PLEKHG1: variants seen among roughly 807,000 people sequenced by gnomAD.
The protein encoded by PLEKHG1 is pleckstrin homology and RhoGEF domain containing G1, also known as pleckstrin homology domain-containing family G member 1.
In PLEKHG1, 44 loss-of-function variants were observed where a neutral mutation model predicts 100.8. The observed-to-expected ratio is 0.44, with a 90% CI of 0.34 to 0.56. The LOEUF (loss-of-function observed/expected upper bound fraction) is 0.56. PLEKHG1 is among the 20% of genes least tolerant of loss of function. The probability of loss-of-function intolerance (pLI) is 0.01; values close to 1 mark genes in which losing one functional copy is unlikely to be tolerated. For synonymous variants in PLEKHG1, 640 were observed against 662.5 expected, an observed-to-expected ratio of 0.97 and a Z score of 0.52; for missense variants, 1,545 against 1,720.9, an observed-to-expected ratio of 0.90 and a Z score of 1.81.
intron 1 of PLEKHG1, among the ~76,000 whole-genome samples, chr6:150,609,032 CTG>C (rs1776717992): frequency 6.6e-6 from 1 of 152,036 alleles, no homozygotes; most frequent in Non-Finnish European, 1.5e-5. Context: ...ATGAAAATAA[CTG>C]GGGAAAACAG....
chr6:150,838,901 T>TC (rs1222111434), intron 15 of PLEKHG1, among the ~76,000 whole-genome samples: 1 of 152,126 alleles, frequency 6.6e-6, no homozygotes, highest in African/African-American at 2.4e-5. Flanking sequence ...TGTGAGTTAG[T>TC]CAATACATGT....
At chr6:150,754,909 A>C (rs6939400) in intron 2 of PLEKHG1, among the ~76,000 whole-genome samples, 1,854 of 152,166 alleles carry the variant, frequency 0.012, 36 homozygotes, top group African/African-American at 0.043. Context: ...ACCTCAGGTG[A>C]TCCACCTGCC....
At chr6:150,649,880 C>T (rs1257352360) in intron 2 of PLEKHG1, among the ~76,000 whole-genome samples, 1 of 152,160 alleles carries the variant, frequency 6.6e-6, no homozygotes, top group African/African-American at 2.4e-5. Context: ...GGCGTGGCGG[C>T]GTGTGCCTGT....
At chr6:150,796,585 C>T (rs1279030957) in intron 5 of PLEKHG1, among the ~76,000 whole-genome samples, 1 of 152,190 alleles carries the variant, frequency 6.6e-6, no homozygotes, top group East Asian at 1.9e-4. Flanking sequence ...TTACTAATTC[C>T]TAAGCCCTGT....
At chr6:150,679,016 GA>G (rs1287477954) in intron 3 of PLEKHG1, among the ~76,000 whole-genome samples, 3 of 152,036 alleles carry the variant, frequency 2.0e-5, no homozygotes, top group African/African-American at 7.2e-5. Context: ...ATAAATCTCT[GA>G]AAAAACAATA....
At chr6:150,662,438 C>T (rs1244529909) in intron 3 of PLEKHG1, 1 of 152,112 alleles carries the variant, frequency 6.6e-6, no homozygotes, top group Non-Finnish European at 1.5e-5. Context: ...TTTGTAGAGA[C>T]AGAGTCTCAC....
At chr6:150,656,779 G>A (rs1778985907) in intron 3 of PLEKHG1, among the ~76,000 whole-genome samples, 1 of 152,162 alleles carries the variant, frequency 6.6e-6, no homozygotes, top group African/African-American at 2.4e-5. Flanking sequence ...ACAGAAATGG[G>A]TTACAGGAAG....
intron 3 of PLEKHG1, among the ~76,000 whole-genome samples, chr6:150,779,802 T>G (rs971845505): frequency 5.3e-5 from 8 of 151,504 alleles, no homozygotes; most frequent in Non-Finnish European, 1.2e-4. Flanking sequence ...CTGTCTCTAC[T>G]AAAAATACAA....
At chr6:150,736,866 A>C (rs192242812) in intron 2 of PLEKHG1, among the ~76,000 whole-genome samples, 6 of 152,218 alleles carry the variant, frequency 3.9e-5, no homozygotes, top group Non-Finnish European at 7.4e-5. Flanking sequence ...TTTTACCATT[A>C]TTGTTTTGGT....
chr6:150,719,610 A>C (rs1311082749), upstream of PLEKHG1, among the ~76,000 whole-genome samples: 4 of 152,144 alleles, frequency 2.6e-5, no homozygotes, highest in African/African-American at 9.7e-5. Flanking sequence ...TGTGGGTTGG[A>C]GTGGTTGTAG....
intron 14 of PLEKHG1, among the ~76,000 whole-genome samples, chr6:150,825,905 A>G (rs1012222188): frequency 3.3e-5 from 5 of 152,148 alleles, no homozygotes; most frequent in Admixed American, 6.5e-5. Context: ...TCGGCCTGGC[A>G]TGGTGGCTCA....
intron 1 of PLEKHG1, among the ~76,000 whole-genome samples, chr6:150,608,323 A>T (rs1346150947): frequency 1.3e-5 from 2 of 152,234 alleles, no homozygotes; most frequent in Non-Finnish European, 2.9e-5. Context: ...TTTGAAATCC[A>T]GAAAGCCCCT....
At chr6:150,637,951 C>G (rs1405356485) in intron 1 of PLEKHG1, 1 of 152,134 alleles carries the variant, frequency 6.6e-6, no homozygotes, top group African/African-American at 2.4e-5. Context: ...ATTTCCTTGG[C>G]TTAAATTTTC....
intron 3 of PLEKHG1, among the ~76,000 whole-genome samples, chr6:150,783,439 G>A (rs928026610): frequency 2.0e-5 from 3 of 151,222 alleles, no homozygotes; most frequent in Admixed American, 1.3e-4. Context: ...GTGCAATCTC[G>A]GCTCACTGCA....
At chr6:150,717,641 A>G (rs1240486745), upstream of PLEKHG1, among the ~76,000 whole-genome samples, 1 of 152,130 alleles carries the variant, frequency 6.6e-6, no homozygotes, top group Non-Finnish European at 1.5e-5. Flanking sequence ...CCAGGTGGGG[A>G]CACTGGGAAT....
At chr6:150,820,089 A>G (rs1421260489) in intron 12 of PLEKHG1, among the ~76,000 whole-genome samples, 1 of 152,030 alleles carries the variant, frequency 6.6e-6, no homozygotes, top group Non-Finnish European at 1.5e-5. Flanking sequence ...TGCGCCTATA[A>G]TCCTAGCTAC....
chr6:150,644,334 G>GGTTTTTTTTTT (rs1554255840), intron 2 of PLEKHG1, among the ~76,000 whole-genome samples: 73 of 117,596 alleles, frequency 6.2e-4, no homozygotes, highest in South Asian at 1.8e-3. Flanking sequence ...TTCTTTTCGT[G>GGTTTTTTTTTT]TTTTTTTTTT....
intron 5 of PLEKHG1, among the ~76,000 whole-genome samples, chr6:150,799,550 A>G (rs9383848): frequency 0.57 from 87,225 of 152,022 alleles, 26,275 homozygotes; most frequent in East Asian, 0.82. Flanking sequence ...TTGAGCAAGA[A>G]CCCAAGCCTT....
At chr6:150,724,507 C>T (rs1346367102) in intron 1 of PLEKHG1, among the ~76,000 whole-genome samples, 1 of 151,774 alleles carries the variant, frequency 6.6e-6, no homozygotes, top group East Asian at 1.9e-4. Flanking sequence ...AAAACAGCTG[C>T]ATTTGCATAA....
Sources: gnomAD v4.1 joint callset for allele counts (sites outside exome capture counted in the v4.1 genomes callset) on GRCh38, gnomAD v4.1.1 for gene constraint, MANE v1.5 for transcripts, NCBI Gene and HGNC (gene_info 2026-07-23, HGNC 2026-07-21) for gene names.